Variants in SORCS2 observed in about 807,000 individuals in gnomAD.
SORCS2 encodes the protein VPS10 domain-containing receptor SorCS2.
In SORCS2, 100 loss-of-function variants were observed where a neutral mutation model predicts 141.6. The ratio of observed to expected loss-of-function variants is 0.71; its 90% CI spans 0.60 to 0.83. SORCS2 has a LOEUF of 0.83. SORCS2 is among the 40% of genes least tolerant of loss of function. The probability of loss-of-function intolerance (pLI) is 0.00; values close to 1 mark genes in which losing one functional copy is unlikely to be tolerated. For synonymous variants in SORCS2, 789 were observed against 676.9 expected (o/e 1.17, Z -2.57); for missense variants, 1,646 against 1,560.2 (o/e 1.05, Z -0.93).
rs938200962 is a variant in SORCS2, at chr4:7,289,326, C to T, written c.480+96200C>T. Among the ~76,000 whole-genome samples, 4 of 152,242 alleles carry T rather than the reference C, an allele frequency of 2.6e-5. No individual in the cohort carries two copies. The East Asian group carries it at 7.7e-4, about 29-fold the overall frequency. ...GCTGGGGTTTCCTCCTCCAGGAAGC[C>T]TTCCTGGATTTCACAGCTTGGAGCC... On this transcript the variant is annotated intron_variant, in intron 1 of 26. Transcript: ENST00000507866.
intron 2 of SORCS2, among the ~76,000 whole-genome samples, chr4:7,467,640 T>C (rs1358672388): frequency 6.6e-6 from 1 of 152,138 alleles, no homozygotes; most frequent in Non-Finnish European, 1.5e-5. Flanking sequence ...CTCCTGAATC[T>C]TGAAGGAGCC....
intron 2 of SORCS2, among the ~76,000 whole-genome samples, chr4:7,475,070 G>C (rs2109354798): frequency 6.6e-6 from 1 of 152,310 alleles, no homozygotes; most frequent in African/African-American, 2.4e-5. Flanking sequence ...GGTTCCATCT[G>C]CAAAGACCCT....
At chr4:7,257,178 A>G (rs1713946239) in intron 1 of SORCS2, among the ~76,000 whole-genome samples, 1 of 152,152 alleles carries the variant, frequency 6.6e-6, no homozygotes, top group Admixed American at 6.5e-5. Flanking sequence ...GCCAGAGGAC[A>G]GAAGTGATAT....
At chr4:7,385,819 C>G (rs1723260620) in intron 1 of SORCS2, among the ~76,000 whole-genome samples, 1 of 152,208 alleles carries the variant, frequency 6.6e-6, no homozygotes, top group Non-Finnish European at 1.5e-5. Context: ...GGCCACCTGC[C>G]TCGATTGGGA....
At chr4:7,633,402 T>G (rs112948879) in intron 3 of SORCS2, among the ~76,000 whole-genome samples, 2,193 of 152,136 alleles carry the variant, frequency 0.014, 52 homozygotes, top group African/African-American at 0.05. Context: ...GGTCTACCAG[T>G]CAAATTTCCA....
chr4:7,507,679 G>A (rs1732355941), intron 2 of SORCS2, among the ~76,000 whole-genome samples: 1 of 152,158 alleles, frequency 6.6e-6, no homozygotes, highest in Non-Finnish European at 1.5e-5. Flanking sequence ...CGCTGGGAAG[G>A]AATCACGGGA....
intron 1 of SORCS2, among the ~76,000 whole-genome samples, chr4:7,355,450 A>AT (rs1209073408): frequency 4.6e-5 from 7 of 152,020 alleles, no homozygotes; most frequent in Non-Finnish European, 8.8e-5. Flanking sequence ...ATAAATATTT[A>AT]TTTTTTTTGT....
chr4:7,739,849 G>A (rs764451349), intron 26 of SORCS2, among the ~76,000 whole-genome samples: 2 of 152,196 alleles, frequency 1.3e-5, no homozygotes, highest in South Asian at 2.1e-4. Context: ...GCCCTGCAGC[G>A]CCCACTGCCA....
chr4:7,291,416 G>A (rs1004355504), intron 1 of SORCS2, among the ~76,000 whole-genome samples: 1 of 152,144 alleles, frequency 6.6e-6, no homozygotes, highest in Non-Finnish European at 1.5e-5. Flanking sequence ...TCGGGCCAGC[G>A]AGGGGCTGGT....
At chr4:7,633,728 C>T (rs1191458372) in intron 3 of SORCS2, among the ~76,000 whole-genome samples, 5 of 152,164 alleles carry the variant, frequency 3.3e-5, no homozygotes, top group African/African-American at 1.2e-4. Context: ...ACAAACAATT[C>T]CCTTAGGAGT....
chr4:7,549,816 C>T (rs930463085), intron 3 of SORCS2, among the ~76,000 whole-genome samples: 2 of 152,162 alleles, frequency 1.3e-5, no homozygotes, highest in African/African-American at 4.8e-5. Context: ...CCTCTTTGCC[C>T]CCAGGACACA....
intron 3 of SORCS2, among the ~76,000 whole-genome samples, chr4:7,628,901 A>T (rs1368923286): frequency 6.6e-6 from 1 of 152,202 alleles, no homozygotes; most frequent in African/African-American, 2.4e-5. Context: ...AAGAAATAAT[A>T]ATATAAAAGG....
At chr4:7,281,269 A>G (rs1232851564) in intron 1 of SORCS2, among the ~76,000 whole-genome samples, 1 of 150,948 alleles carries the variant, frequency 6.6e-6, no homozygotes, top group African/African-American at 2.4e-5. Flanking sequence ...GCGAGAAATC[A>G]TTCTCTCTCG....
intron 11 of SORCS2, among the ~76,000 whole-genome samples, chr4:7,693,240 T>G (rs997038700): frequency 6.6e-6 from 1 of 152,130 alleles, no homozygotes; most frequent in African/African-American, 2.4e-5. Flanking sequence ...TTCAATAGAC[T>G]AGGATAGGAA....
chr4:7,606,839 G>A (rs1718095004), intron 3 of SORCS2, among the ~76,000 whole-genome samples: 1 of 152,180 alleles, frequency 6.6e-6, no homozygotes, highest in South Asian at 2.1e-4. Flanking sequence ...ATGCGGGCAG[G>A]CAATTTTTAT....
intron 4 of SORCS2, among the ~76,000 whole-genome samples, chr4:7,650,146 C>G (rs10004763): frequency 0.13 from 19,301 of 152,246 alleles, 2,289 homozygotes; most frequent in African/African-American, 0.31. Flanking sequence ...TGCATTCAAA[C>G]CACAGATAAT....
At chr4:7,485,252 C>A (rs146831146) in intron 2 of SORCS2, among the ~76,000 whole-genome samples, 1 of 152,350 alleles carries the variant, frequency 6.6e-6, no homozygotes, top group African/African-American at 2.4e-5. Flanking sequence ...CCCCTCCCAT[C>A]GCCCTGGGCA....
chr4:7,589,433 C>T (rs931052068), intron 3 of SORCS2, among the ~76,000 whole-genome samples: 3 of 152,094 alleles, frequency 2.0e-5, no homozygotes, highest in East Asian at 1.9e-4. Context: ...GACAGAGTCT[C>T]GCTCTGTGGC....
At chr4:7,301,752 C>CT (rs781080641) in intron 1 of SORCS2, among the ~76,000 whole-genome samples, 189 of 152,328 alleles carry the variant, frequency 1.2e-3, no homozygotes, top group Non-Finnish European at 7.8e-4. Flanking sequence ...AATTGCTCTC[C>CT]TTTTTCCATG....
Sources: gnomAD v4.1 joint callset for allele counts (sites outside exome capture counted in the v4.1 genomes callset) on GRCh38, gnomAD v4.1.1 for gene constraint, MANE v1.5 for transcripts, NCBI Gene and HGNC (gene_info 2026-07-23, HGNC 2026-07-21) for gene names.